The following TOX variants were observed in gnomAD, a reference collection of about 807,000 sequenced individuals.
The protein encoded by TOX is thymocyte selection-associated high mobility group box protein TOX.
TOX carries 11 observed loss-of-function variants against 53.7 expected under a neutral mutation model. The ratio of observed to expected loss-of-function variants is 0.20; its 90% CI spans 0.13 to 0.34. TOX has a LOEUF of 0.34. TOX is among the 10% of genes least tolerant of loss of function. The pLI is 1.00. For synonymous variants in TOX, 225 were observed against 245.3 expected, an observed-to-expected ratio of 0.92 and a Z score of 0.77; for missense variants, 570 against 664.6, an observed-to-expected ratio of 0.86 and a Z score of 1.56.
intron 3 of TOX, among the ~76,000 whole-genome samples, chr8:58,919,500 CA>C (rs945811793): frequency 7.3e-5 from 1 of 13,724 alleles, no homozygotes; most frequent in Admixed American, 7.4e-4. Flanking sequence ...ACTGGCTAGC[CA>C]TATGTAGAAA....
chr8:58,913,778 A>ATGTTTTAT (rs1811950666), intron 3 of TOX, among the ~76,000 whole-genome samples: 1 of 83,264 alleles, frequency 1.2e-5, no homozygotes, highest in Non-Finnish European at 2.9e-5. Context: ...CTCTATGTAA[A>ATGTTTTAT]AGTCTAAAAA....
At chr8:58,897,053 A>ATTTTT (rs1811660840) in intron 3 of TOX, among the ~76,000 whole-genome samples, 1 of 152,232 alleles carries the variant, frequency 6.6e-6, no homozygotes, top group African/African-American at 2.4e-5. Flanking sequence ...AGATAATAAT[A>ATTTTT]AAAATATTCC....
At chr8:58,950,511 A>G (rs1485395109) in intron 2 of TOX, among the ~76,000 whole-genome samples, 1 of 152,228 alleles carries the variant, frequency 6.6e-6, no homozygotes, top group Non-Finnish European at 1.5e-5. Flanking sequence ...TTGTAAGTGC[A>G]TCTCTCTAAA....
intron 1 of TOX, among the ~76,000 whole-genome samples, chr8:59,073,820 G>T (rs988929819): frequency 1.3e-5 from 2 of 152,106 alleles, no homozygotes; most frequent in Non-Finnish European, 2.9e-5. Context: ...CCTCCAGAGG[G>T]TCCCAAAATA....
intron 1 of TOX, among the ~76,000 whole-genome samples, chr8:59,006,233 G>A (rs974026646): frequency 3.2e-4 from 49 of 152,292 alleles, no homozygotes; most frequent in Middle Eastern, 3.4e-3. Context: ...TAAGCCTGTG[G>A]TCTTTGCACA....
chr8:58,957,566 C>T (rs1812732183), intron 2 of TOX, among the ~76,000 whole-genome samples: 1 of 152,202 alleles, frequency 6.6e-6, no homozygotes, highest in South Asian at 2.1e-4. Context: ...TGGAGCAGTT[C>T]CAGCATTGGC....
At chr8:58,974,288 T>G (rs1813054120) in intron 1 of TOX, among the ~76,000 whole-genome samples, 1 of 152,194 alleles carries the variant, frequency 6.6e-6, no homozygotes, top group South Asian at 2.1e-4. Context: ...TCCAGACTCA[T>G]GTCAACAGTG....
intron 1 of TOX, among the ~76,000 whole-genome samples, chr8:58,984,741 C>T (rs1046956866): frequency 6.9e-6 from 1 of 143,940 alleles, no homozygotes; most frequent in Admixed American, 7.5e-5. Flanking sequence ...CAAGACCGCG[C>T]CACTGCACTC....
rs771329233 is a variant in TOX, at chr8:58,815,659, C to T, written c.1071G>A (p.Ser357=). 1.3e-5 allele frequency: 21 copies of T among 1,613,884 alleles called. No individual in the cohort carries two copies. Among genetic ancestry groups the T allele is most frequent in the Middle Eastern group, 1.6e-4 (1 of 6,080 alleles). ...QPPQLINSKP[S]VFHGPSQAHS... is the part of the protein sequence containing the mutation. Reference sequence around the variant, plus strand: ...GGGCCTGGCTGGGCCCATGGAACACCGACGGCTTCGAATTGATCAGCTGAG... The same window carrying T: ...GGGCCTGGCTGGGCCCATGGAACACTGACGGCTTCGAATTGATCAGCTGAG... The change falls in exon 7 of 9, where the codon TCG becomes TCA. Residue 357 remains serine (S), a synonymous_variant. Transcript: ENST00000361421.
chr8:58,877,613 CA>C (rs1328312108), intron 3 of TOX, among the ~76,000 whole-genome samples: 1 of 152,128 alleles, frequency 6.6e-6, no homozygotes, highest in East Asian at 1.9e-4. Context: ...CTCACACCAC[CA>C]AAGATATATG....
At chr8:58,915,673 T>C (rs1036911630) in intron 3 of TOX, among the ~76,000 whole-genome samples, 1 of 150,280 alleles carries the variant, frequency 6.7e-6, no homozygotes. Context: ...ACGCAGTTCC[T>C]CACCAGCAAT....
intron 1 of TOX, among the ~76,000 whole-genome samples, chr8:58,969,703 C>T (rs1173572453): frequency 6.6e-6 from 1 of 152,214 alleles, no homozygotes; most frequent in Non-Finnish European, 1.5e-5. Flanking sequence ...ATCTCCTCTA[C>T]ACCGAGATCA....
At chr8:58,873,078 A>C (rs1811224727) in intron 3 of TOX, among the ~76,000 whole-genome samples, 1 of 152,134 alleles carries the variant, frequency 6.6e-6, no homozygotes, top group Non-Finnish European at 1.5e-5. Context: ...GCTGTATGCT[A>C]ACCAAGAGTC....
At position 59,105,102 on chromosome 8, in the gene TOX, A is replaced by C. The variant is rs577035625; in HGVS notation, c.102+13784T>G. Among the ~76,000 whole-genome samples the C allele has an allele frequency of 1.2e-4, 19 of 152,302 alleles. No homozygotes were observed. In the South Asian group the frequency reaches 3.9e-3, roughly 32 times the overall value. ...TTAACAACCCCAAAGCTTTTTAACA[A>C]GCGCATTCCAAATTTTTTTTAAGAA... On this transcript the variant is annotated intron_variant, in intron 1 of 8. Transcript: ENST00000361421.
At chr8:59,091,018 C>T (rs770939507) in intron 1 of TOX, among the ~76,000 whole-genome samples, 10 of 152,164 alleles carry the variant, frequency 6.6e-5, no homozygotes, top group Non-Finnish European at 1.3e-4. Context: ...TCTCCAGCGG[C>T]GTTGTCCTCT....
At chr8:58,872,852 T>TAAA (rs1811220791) in intron 3 of TOX, among the ~76,000 whole-genome samples, 1 of 152,108 alleles carries the variant, frequency 6.6e-6, no homozygotes, top group Non-Finnish European at 1.5e-5. Flanking sequence ...GAAATACAAA[T>TAAA]GAAGTATGAC....
intron 1 of TOX, among the ~76,000 whole-genome samples, chr8:59,116,132 T>C (rs1468128831): frequency 1.3e-5 from 2 of 152,130 alleles, no homozygotes; most frequent in Non-Finnish European, 1.5e-5. Context: ...AAAGCACAGA[T>C]AGATACTGGT....
At chr8:59,091,289 A>C (rs1011400279) in intron 1 of TOX, among the ~76,000 whole-genome samples, 1 of 152,184 alleles carries the variant, frequency 6.6e-6, no homozygotes, top group Non-Finnish European at 1.5e-5. Flanking sequence ...GCTATGTTTT[A>C]GTCTTTCTCT....
At chr8:59,067,653 C>G (rs1029295654) in intron 1 of TOX, among the ~76,000 whole-genome samples, 2 of 151,912 alleles carry the variant, frequency 1.3e-5, no homozygotes, top group Non-Finnish European at 2.9e-5. Flanking sequence ...AAGTGCTCTT[C>G]GTAAATGGCA....
Sources: allele counts gnomAD v4.1 joint callset (sites outside exome capture counted in the v4.1 genomes callset), GRCh38; gene constraint gnomAD v4.1.1; transcripts MANE v1.5; gene names NCBI Gene and HGNC (gene_info 2026-07-23, HGNC 2026-07-21).